KIR2DL4: variants seen among roughly 807,000 people sequenced by gnomAD.
KIR2DL4 encodes the protein killer cell immunoglobulin like receptor, two Ig domains and long cytoplasmic tail 4.
KIR2DL4 carries 41 observed loss-of-function variants against 31.0 expected under a neutral mutation model. The ratio of observed to expected loss-of-function variants is 1.32; its 90% CI spans 1.03 to 1.72. The LOEUF is 1.72. Ranked by LOEUF, KIR2DL4 falls within the 40% of genes most tolerant of loss-of-function variation. The probability of loss-of-function intolerance (pLI) is 0.00; values close to 1 mark genes in which losing one functional copy is unlikely to be tolerated. For missense variants in KIR2DL4, 438 were observed against 353.7 expected (o/e 1.24, Z -1.91); for synonymous variants, 164 against 133.6 (o/e 1.23, Z -1.57).
chr19:54,805,889 G>C (rs547816805), intron 3 of KIR2DL4, 62 bp from the exon 4 acceptor site: 13 of 1,446,678 alleles, frequency 9.0e-6, no homozygotes, highest in African/African-American at 1.4e-5. Context: ...TCTCAGCTCA[G>C]GTGGGAGGGG....
intron 5 of KIR2DL4, among the ~76,000 whole-genome samples, chr19:54,809,213 G>A (rs1328671518): frequency 6.6e-6 from 1 of 150,532 alleles, no homozygotes; most frequent in Non-Finnish European, 1.5e-5. Context: ...GGGGAAGGAA[G>A]GGGAACATTT....
At position 54,812,171 on chromosome 19, in the gene KIR2DL4, T is replaced by C. The variant is rs1465194450; in HGVS notation, c.707-954T>C. Among the ~76,000 whole-genome samples, 13 of 151,228 alleles carry C rather than the reference T, an allele frequency of 8.6e-5. No individual in the cohort carries two copies. In the East Asian group the frequency reaches 2.5e-3, roughly 29 times the overall value. On this transcript the variant is annotated intron_variant, in intron 5 of 7. Transcript: ENST00000359085. The stretch of plus-strand genomic sequence containing the variant: ...CTGTGCCAATTTCTATCACTCACCA[T>C]CACTCCAGGGAGACAGAACACACAG...
At chr19:54,807,447 G>GT (rs1408432771) in intron 4 of KIR2DL4, among the ~76,000 whole-genome samples, 1 of 151,196 alleles carries the variant, frequency 6.6e-6, no homozygotes. Context: ...TATGCTTTTT[G>GT]TTTTTTTGAC....
At chr19:54,813,972 A>G in exon 8 of KIR2DL4, 1 of 1,612,436 alleles carries the variant, frequency 6.2e-7, no homozygotes, top group Non-Finnish European at 8.5e-7. Flanking sequence ...GTGTGTATAG[A>G]ACTTCCAAAT....
chr19:54,804,576 A>G (rs768109588), intron 2 of KIR2DL4, among the ~76,000 whole-genome samples: 1,788 of 151,206 alleles, frequency 0.012, 51 homozygotes, highest in Middle Eastern at 0.027. Flanking sequence ...ATTAAAATCT[A>G]GTAAGAGTCC....
chr19:54,814,184 A>G (rs945619775), exon 8 of KIR2DL4: 9 of 1,518,380 alleles, frequency 5.9e-6, no homozygotes, highest in African/African-American at 2.8e-5. Context: ...TTGCTTACCA[A>G]TGTCTAAGGT....
chr19:54,806,164 C>A (rs1326188403), exon 4 of KIR2DL4: 2 of 1,611,866 alleles, frequency 1.2e-6, no homozygotes, highest in Non-Finnish European at 1.7e-6. Flanking sequence ...CACGGAGAGA[C>A]CTACAGATGC....
chr19:54,806,593 A>T (rs1238728034), intron 4 of KIR2DL4, among the ~76,000 whole-genome samples: 1 of 151,360 alleles, frequency 6.6e-6, no homozygotes, highest in Admixed American at 6.6e-5. Context: ...CTACACAGAG[A>T]TGTCATCACC....
At chr19:54,807,269 C>G (rs1353615234) in intron 4 of KIR2DL4, among the ~76,000 whole-genome samples, 1 of 150,778 alleles carries the variant, frequency 6.6e-6, no homozygotes, top group Non-Finnish European at 1.5e-5. Context: ...TCCATTCATC[C>G]ACTGATGGGC....
At chr19:54,803,966 CA>C in intron 2 of KIR2DL4, 40 bp downstream of exon 2, 5 of 1,584,234 alleles carry the variant, frequency 3.2e-6, no homozygotes, top group Non-Finnish European at 4.3e-6. Flanking sequence ...ATCTTCACCC[CA>C]ATACAAGTGA....
At chr19:54,808,549 T>C (rs2060664844) in intron 4 of KIR2DL4, among the ~76,000 whole-genome samples, 1 of 149,704 alleles carries the variant, frequency 6.7e-6, no homozygotes, top group African/African-American at 2.5e-5. Flanking sequence ...TCTGCTCCAT[T>C]GTTTTATGTG....
chr19:54,810,430 T>C (rs1288137568), intron 5 of KIR2DL4, among the ~76,000 whole-genome samples: 6 of 151,204 alleles, frequency 4.0e-5, no homozygotes, highest in African/African-American at 1.2e-4. Context: ...CCGAGCCGTA[T>C]TTTAAAAGAA....
chr19:54,812,958 A>T (rs1440031852), intron 5 of KIR2DL4, among the ~76,000 whole-genome samples: 1 of 143,216 alleles, frequency 7.0e-6, no homozygotes, highest in African/African-American at 2.8e-5. Flanking sequence ...TATTGTTATT[A>T]TGAAAACTAT....
chr19:54,811,871 G>A (rs1402325794), intron 5 of KIR2DL4, among the ~76,000 whole-genome samples: 3 of 151,252 alleles, frequency 2.0e-5, no homozygotes, highest in African/African-American at 7.3e-5. Flanking sequence ...CAGACTCTCG[G>A]GTGGAACAGC....
Position 54,808,819 on chromosome 19 carries a change from G to A in KIR2DL4, c.656-14G>A, listed in dbSNP as rs1457971118. The A allele has an allele frequency of 5.1e-6, 8 of 1,556,290 alleles. No homozygotes were observed. Among genetic ancestry groups the A allele is most frequent in the Admixed American group, 1.7e-5 (1 of 59,544 alleles). On this transcript the variant is annotated splice_polypyrimidine_tract_variant and intron_variant, in intron 4 of 7. Transcript: ENST00000359085. ...ATCCTCATTGCCACACCTCTCTCCT[G>A]TCCCGTGTTCTAGGAAACCCTTCTA... is the stretch of plus-strand genomic sequence containing the variant.
chr19:54,805,033 C>A, exon 3 of KIR2DL4: 1 of 1,608,824 alleles, frequency 6.2e-7, no homozygotes. Flanking sequence ...CACTCCCCCA[C>A]TGAGTGGTCG....
At chr19:54,811,422 AAATAT>A (rs1414033817) in intron 5 of KIR2DL4, among the ~76,000 whole-genome samples, 1 of 151,334 alleles carries the variant, frequency 6.6e-6, no homozygotes, top group Non-Finnish European at 1.5e-5. Flanking sequence ...AAGAATACAT[AAATAT>A]AATATAACAT....
chr19:54,813,216 C>G (rs770663854), exon 6 of KIR2DL4: 1 of 1,521,522 alleles, frequency 6.6e-7, no homozygotes, highest in Non-Finnish European at 8.7e-7. Context: ...ATCGCTGGTG[C>G]TCCAAAAAAA....
At position 54,813,612 on chromosome 19, in the gene KIR2DL4, T is replaced by G. The variant is rs1371660533; in HGVS notation, c.811-78T>G. On this transcript the variant is annotated intron_variant, in intron 6 of 7. Coordinates refer to ENST00000359085, the Ensembl canonical transcript of KIR2DL4. ...ACCTCAGGCACCTATGGCCTCCCCC[T>G]GTGTGTTGGTATCTGTTCATGAAAT... 1.6e-5 allele frequency: 23 copies of G among 1,448,934 alleles called. No homozygotes were observed. In the South Asian group the frequency reaches 2.3e-4, roughly 15 times the overall value. The allele number at this position is 1,448,934 out of a possible 1,614,324, so 89.8% of individuals were successfully genotyped here.
Sources: allele counts gnomAD v4.1 joint callset (sites outside exome capture counted in the v4.1 genomes callset), GRCh38; gene constraint gnomAD v4.1.1; transcripts MANE v1.5; gene names NCBI Gene and HGNC (gene_info 2026-07-23, HGNC 2026-07-21).